The following TTC7B variants were observed in gnomAD, a reference collection of about 807,000 sequenced individuals.
The protein encoded by TTC7B is tetratricopeptide repeat domain 7B.
In TTC7B, 28 loss-of-function variants were observed where a neutral mutation model predicts 106.8. The observed-to-expected ratio is 0.26, with a 90% CI of 0.19 to 0.36. The LOEUF (loss-of-function observed/expected upper bound fraction) is 0.36, where lower values mean the gene tolerates loss of function less well. Ranked by LOEUF, TTC7B falls within the 10% of genes least tolerant of loss-of-function variation. The pLI, the probability that TTC7B is intolerant of heterozygous loss-of-function variation, is 1.00. For missense variants in TTC7B, 862 were observed against 1,076.4 expected (o/e 0.80, Z 2.79); for synonymous variants, 405 against 430.6 (o/e 0.94, Z 0.74).
intron 19 of TTC7B, among the ~76,000 whole-genome samples, chr14:90,574,793 C>T (rs993131441): frequency 6.6e-6 from 1 of 152,214 alleles, no homozygotes; most frequent in Non-Finnish European, 1.5e-5. Flanking sequence ...TAACAGCCCC[C>T]ACTGACTGCT....
chr14:90,654,264 T>C (rs1885853034), intron 12 of TTC7B, among the ~76,000 whole-genome samples: 1 of 152,200 alleles, frequency 6.6e-6, no homozygotes, highest in African/African-American at 2.4e-5. Flanking sequence ...TATTTTGCCT[T>C]ATACTAATTA....
intron 18 of TTC7B, among the ~76,000 whole-genome samples, chr14:90,592,576 G>A (rs1566787530): frequency 6.6e-6 from 1 of 152,092 alleles, no homozygotes; most frequent in Non-Finnish European, 1.5e-5. Context: ...GGGCGTGGTG[G>A]TGGGCGCCTG....
intron 2 of TTC7B, among the ~76,000 whole-genome samples, chr14:90,785,333 T>C (rs1341111691): frequency 1.3e-5 from 2 of 150,856 alleles, no homozygotes; most frequent in Admixed American, 1.3e-4. Context: ...GAGAAAGAAG[T>C]CATCAAAGTT....
chr14:90,721,365 T>G (rs1038078263), intron 5 of TTC7B, among the ~76,000 whole-genome samples: 1 of 152,216 alleles, frequency 6.6e-6, no homozygotes, highest in Non-Finnish European at 1.5e-5. Flanking sequence ...AAGAGGGGTT[T>G]CGGAATTTCA....
rs74081251 is a variant in TTC7B at position 90,632,127 on chromosome 14, T to A, written c.1751+11921A>T. 4.0e-3 allele frequency among the ~76,000 whole-genome samples: 606 copies of A among 152,282 alleles called. 3 individuals are homozygous for A. The highest frequency in any genetic ancestry group is 0.014 in the African/African-American group (585 of 41,538). ...CTCCCTACTGGTATCCCTGGGGTGGTTACTGTGTGCTCACTCCTTCCAGAC... is the reference window on the plus strand; with the variant it reads ...CTCCCTACTGGTATCCCTGGGGTGGATACTGTGTGCTCACTCCTTCCAGAC... On this transcript the variant is annotated intron_variant, in intron 15 of 19. Transcript: ENST00000328459.
At chr14:90,758,418 A>T (rs1890385237) in intron 3 of TTC7B, among the ~76,000 whole-genome samples, 1 of 91,162 alleles carries the variant, frequency 1.1e-5, no homozygotes, top group Non-Finnish European at 2.2e-5. Context: ...GGGGTCGGGG[A>T]CAGCAGTGAG....
rs921231945 is a variant in TTC7B at position 90,555,926 on chromosome 14, G to A, written c.2311-14337C>T. ...CTGCTGGTAGGGTCACCGGGGACCC[G>A]TCAGGGGAGGGTGATGGGGAATCCC... On this transcript the variant is annotated intron_variant, in intron 19 of 19. Coordinates refer to ENST00000328459, the MANE Select transcript of TTC7B (RefSeq NM_001010854.2). Among the ~76,000 whole-genome samples, 14 of 152,250 alleles carry A rather than the reference G, an allele frequency of 9.2e-5. 1 individual carries two copies. The highest frequency in any genetic ancestry group is 1.3e-4 in the Non-Finnish European group (9 of 68,030).
chr14:90,780,922 G>A lies in TTC7B; in HGVS notation c.277-16C>T, dbSNP rs1486608297. Reference sequence around the variant, plus strand: ...GGAATTCTGACTAGAAGCAAAAGGAGAGAAAGAAAAGCATTTTCCTACAAT... The same window carrying A: ...GGAATTCTGACTAGAAGCAAAAGGAAAGAAAGAAAAGCATTTTCCTACAAT... On this transcript the variant is annotated splice_polypyrimidine_tract_variant and intron_variant, in intron 2 of 19. Coordinates refer to ENST00000328459, the MANE Select transcript of TTC7B (RefSeq NM_001010854.2). 5 of 1,613,016 alleles carry A rather than the reference G, an allele frequency of 3.1e-6. No individual in the cohort carries two copies. The East Asian group carries it at 8.9e-5, about 29-fold the overall frequency.
At chr14:90,619,215 C>T (rs922491936) in intron 15 of TTC7B, among the ~76,000 whole-genome samples, 4 of 152,200 alleles carry the variant, frequency 2.6e-5, no homozygotes, top group East Asian at 1.9e-4. Context: ...GTTCTCACCT[C>T]GAGAAACTAC....
intron 16 of TTC7B, among the ~76,000 whole-genome samples, chr14:90,616,747 TCTG>T (rs1893095662): frequency 6.6e-6 from 1 of 152,134 alleles, no homozygotes; most frequent in Non-Finnish European, 1.5e-5. Flanking sequence ...CCATCTCTGT[TCTG>T]CTGCCTCCGT....
rs1890982873 is a variant in TTC7B, at chr14:90,570,313, C to T, written c.2310+7793G>A. On this transcript the variant is annotated intron_variant, in intron 19 of 19. Transcript: ENST00000328459. This position sits in a 1 kb window ranked among gnomAD's most constrained non-coding sequence, Gnocchi z 4.0. ...TCCTGCCTCGAAGTCATTTCCCGCA[C>T]TCATTTGGTCAGCAAAGGCTGTGCC... is the stretch of plus-strand genomic sequence containing the variant. Among the ~76,000 whole-genome samples, 1 of 152,244 alleles carries T rather than the reference C, an allele frequency of 6.6e-6. No homozygotes were observed. Among genetic ancestry groups the T allele is most frequent in the African/African-American group, 2.4e-5 (1 of 41,474 alleles).
rs1030179712 is a variant in TTC7B at position 90,657,832 on chromosome 14, G to A, written c.1236+472C>T. On this transcript the variant is annotated intron_variant, in intron 10 of 19. Coordinates refer to ENST00000328459, the MANE Select transcript of TTC7B (RefSeq NM_001010854.2). The surrounding 1 kb of genome is among the most constrained non-coding windows in gnomAD (Gnocchi z 4.2). Reference sequence around the variant, plus strand: ...TACTCCATTTTACCGAGGAAACTGAGCTGCTCAGTAACTTGCCTGGGTCAC... The same window carrying A: ...TACTCCATTTTACCGAGGAAACTGAACTGCTCAGTAACTTGCCTGGGTCAC... 1.1e-5 allele frequency: 2 copies of A among 189,506 alleles called. No homozygotes were observed. Among genetic ancestry groups the A allele is most frequent in the Non-Finnish European group, 2.2e-5 (2 of 89,676 alleles). The allele number at this position is 189,506 out of a possible 1,614,324, so 11.7% of individuals were successfully genotyped here.
chr14:90,809,444 G>A (rs911051663), intron 1 of TTC7B, among the ~76,000 whole-genome samples: 7 of 152,220 alleles, frequency 4.6e-5, no homozygotes, highest in African/African-American at 1.7e-4. Context: ...ACAAAACTGG[G>A]CCCAATCAAG....
rs200891532 is a variant in TTC7B, at chr14:90,654,983, C to T, written c.1459+10G>A. ...CAGCTCAGCAGCTGTGGGGGTGGGACGTCTCTCACCGTCAGTGGCCTGCAG... is the reference window on the plus strand; with the variant it reads ...CAGCTCAGCAGCTGTGGGGGTGGGATGTCTCTCACCGTCAGTGGCCTGCAG... On this transcript the variant is annotated intron_variant, in intron 12 of 19. Coordinates refer to ENST00000328459, the MANE Select transcript of TTC7B (RefSeq NM_001010854.2). 6.8e-5 allele frequency: 108 copies of T among 1,599,144 alleles called. 2 individuals carry two copies. In the South Asian group the frequency reaches 1.1e-3, roughly 16 times the overall value.
chr14:90,796,486 AGGCACTT>A (rs920281794), intron 1 of TTC7B, among the ~76,000 whole-genome samples: 3 of 152,154 alleles, frequency 2.0e-5, no homozygotes, highest in Admixed American at 2.0e-4. Flanking sequence ...CAATGCCCAC[AGGCACTT>A]GGCCTCCTTG....
chr14:90,603,655 T>C (rs1195069625), intron 17 of TTC7B, among the ~76,000 whole-genome samples: 2 of 152,194 alleles, frequency 1.3e-5, no homozygotes, highest in East Asian at 3.8e-4. Context: ...ACCCTAATCA[T>C]GATTCCAGTG....
chr14:90,662,216 G>T (rs991194178), intron 9 of TTC7B, among the ~76,000 whole-genome samples: 5 of 152,230 alleles, frequency 3.3e-5, no homozygotes, highest in African/African-American at 1.2e-4. Context: ...CCAATCACAG[G>T]CTCCTGCCAG....
intron 9 of TTC7B, chr14:90,674,975 T>C (rs1047438909): frequency 3.9e-5 from 6 of 152,216 alleles, no homozygotes; most frequent in Non-Finnish European, 7.3e-5. Flanking sequence ...AGAAGTCATC[T>C]GGGTGAAAAC....
intron 1 of TTC7B, among the ~76,000 whole-genome samples, chr14:90,810,397 G>A (rs1489586732): frequency 1.3e-5 from 2 of 152,200 alleles, no homozygotes; most frequent in Non-Finnish European, 2.9e-5. Flanking sequence ...AAGCAGGTGA[G>A]CCATGCTTTG....
Sources: allele counts gnomAD v4.1 joint callset (sites outside exome capture counted in the v4.1 genomes callset), GRCh38; gene constraint gnomAD v4.1.1; non-coding constraint Gnocchi (gnomAD v3.1); transcripts MANE v1.5; gene names NCBI Gene and HGNC (gene_info 2026-07-23, HGNC 2026-07-21).